ADCY2: variants seen among roughly 807,000 people sequenced by gnomAD.
ADCY2 encodes adenylate cyclase 2.
ADCY2 carries 31 observed loss-of-function variants against 125.2 expected under a neutral mutation model. The observed-to-expected ratio is 0.25, with a 90% CI of 0.19 to 0.33. The LOEUF is 0.33. ADCY2 is among the 10% of genes least tolerant of loss of function. The probability of loss-of-function intolerance (pLI) is 1.00; values close to 1 mark genes in which losing one functional copy is unlikely to be tolerated. For synonymous variants in ADCY2, 512 were observed against 548.4 expected, an observed-to-expected ratio of 0.93 and a Z score of 0.93; for missense variants, 904 against 1,418.2, an observed-to-expected ratio of 0.64 and a Z score of 5.82.
intron 3 of ADCY2, among the ~76,000 whole-genome samples, chr5:7,594,703 A>G (rs1736952471): frequency 6.6e-6 from 1 of 152,228 alleles, no homozygotes; most frequent in Admixed American, 6.5e-5. Context: ...AAAATGTTTG[A>G]TGAACAAATG....
At chr5:7,637,431 CAAAAAAAAA>C (rs71591740) in intron 4 of ADCY2, among the ~76,000 whole-genome samples, 12 of 74,624 alleles carry the variant, frequency 1.6e-4, no homozygotes, top group East Asian at 8.7e-4. Context: ...GACTCCGTCT[CAAAAAAAAA>C]AAAAAAAAAA....
chr5:7,412,697 G>A (rs774095709), intron 1 of ADCY2, among the ~76,000 whole-genome samples: 27 of 152,162 alleles, frequency 1.8e-4, no homozygotes, highest in Non-Finnish European at 3.2e-4. Flanking sequence ...TTTCGGCCAC[G>A]GCAACAACTA....
At chr5:7,570,573 A>G (rs1736035162) in intron 3 of ADCY2, among the ~76,000 whole-genome samples, 1 of 151,860 alleles carries the variant, frequency 6.6e-6, no homozygotes, top group Admixed American at 6.6e-5. Flanking sequence ...AATGCAGAAA[A>G]AAAGAAGATA....
At chr5:7,461,991 G>T (rs1741934394) in intron 2 of ADCY2, among the ~76,000 whole-genome samples, 1 of 152,214 alleles carries the variant, frequency 6.6e-6, no homozygotes. Flanking sequence ...GGAGGGCAAG[G>T]CTGCTTTCTT....
intron 4 of ADCY2, among the ~76,000 whole-genome samples, chr5:7,637,836 C>T (rs993562811): frequency 1.3e-5 from 2 of 152,154 alleles, no homozygotes; most frequent in Non-Finnish European, 2.9e-5. Flanking sequence ...TAACCATATT[C>T]CAGGGAAGAA....
chr5:7,648,911 C>G (rs918316966), intron 4 of ADCY2, among the ~76,000 whole-genome samples: 1 of 152,090 alleles, frequency 6.6e-6, no homozygotes, highest in South Asian at 2.1e-4. Flanking sequence ...AGAAGATAAG[C>G]TATAGAACTT....
chr5:7,567,332 A>G (rs1451078295), intron 3 of ADCY2, among the ~76,000 whole-genome samples: 3 of 151,778 alleles, frequency 2.0e-5, no homozygotes, highest in Non-Finnish European at 4.4e-5. Context: ...TCCAAGCACA[A>G]TAAACTTATC....
At chr5:7,506,633 T>C (rs561792183) in intron 2 of ADCY2, among the ~76,000 whole-genome samples, 2 of 152,284 alleles carry the variant, frequency 1.3e-5, no homozygotes, top group South Asian at 4.1e-4. Flanking sequence ...TTTATAATAC[T>C]AGCTACCTAA....
At chr5:7,653,476 C>T (rs998503266) in intron 4 of ADCY2, among the ~76,000 whole-genome samples, 2 of 152,038 alleles carry the variant, frequency 1.3e-5, no homozygotes, top group East Asian at 1.9e-4. Context: ...GGCGTGGTGG[C>T]GGGCGCCTGT....
At chr5:7,520,347 AC>A (rs1234188167) in intron 2 of ADCY2, among the ~76,000 whole-genome samples, 12 of 151,648 alleles carry the variant, frequency 7.9e-5, no homozygotes, top group African/African-American at 2.7e-4. Context: ...CACCCTGTCC[AC>A]CCCCGTCCCC....
intron 3 of ADCY2, among the ~76,000 whole-genome samples, chr5:7,548,400 A>G (rs1735218363): frequency 6.6e-6 from 1 of 152,130 alleles, no homozygotes; most frequent in African/African-American, 2.4e-5. Flanking sequence ...TATATATATC[A>G]TAATGTAAAA....
intron 1 of ADCY2, among the ~76,000 whole-genome samples, chr5:7,400,804 T>C (rs1436791771): frequency 6.6e-6 from 1 of 152,204 alleles, no homozygotes. Flanking sequence ...CAACCAGTAA[T>C]TCTCTAAGTC....
At chr5:7,826,124 C>G (rs6898294) in intron 24 of ADCY2, among the ~76,000 whole-genome samples, 5,812 of 152,244 alleles carry the variant, frequency 0.038, 245 homozygotes, top group African/African-American at 0.1. Context: ...ATTCCTACAG[C>G]TCTTTCAGTT....
At chr5:7,501,728 A>G (rs1327320408) in intron 2 of ADCY2, among the ~76,000 whole-genome samples, 1 of 132,682 alleles carries the variant, frequency 7.5e-6, no homozygotes, top group Non-Finnish European at 1.5e-5. Flanking sequence ...GGACTTTTGA[A>G]GAGAGAGGGC....
At chr5:7,698,811 A>T (rs896471014) in intron 7 of ADCY2, among the ~76,000 whole-genome samples, 2 of 152,282 alleles carry the variant, frequency 1.3e-5, no homozygotes, top group Non-Finnish European at 2.9e-5. Context: ...GGTTGGTTCC[A>T]AGACTTTGCT....
intron 2 of ADCY2, among the ~76,000 whole-genome samples, chr5:7,415,927 G>C (rs897545324): frequency 1.3e-5 from 2 of 152,080 alleles, no homozygotes; most frequent in African/African-American, 4.8e-5. Context: ...GTAGCTGAGA[G>C]GGCTGTCGCA....
At chr5:7,530,451 C>T (rs1447597944) in intron 3 of ADCY2, among the ~76,000 whole-genome samples, 2 of 152,088 alleles carry the variant, frequency 1.3e-5, no homozygotes, top group African/African-American at 2.4e-5. Flanking sequence ...ATGATCATAG[C>T]TCACTGCAGT....
chr5:7,771,945 C>G (rs143378043), intron 17 of ADCY2, among the ~76,000 whole-genome samples: 1 of 152,030 alleles, frequency 6.6e-6, no homozygotes, highest in East Asian at 1.9e-4. Flanking sequence ...AAACACAAAC[C>G]CTTGTTCACA....
intron 2 of ADCY2, among the ~76,000 whole-genome samples, chr5:7,473,537 T>C (rs1353382689): frequency 6.6e-6 from 1 of 152,152 alleles, no homozygotes; most frequent in Non-Finnish European, 1.5e-5. Context: ...GAATAAAATG[T>C]CAACATGAAA....
Sources: gnomAD v4.1 joint callset for allele counts (sites outside exome capture counted in the v4.1 genomes callset) on GRCh38, gnomAD v4.1.1 for gene constraint, MANE v1.5 for transcripts, NCBI Gene and HGNC (gene_info 2026-07-23, HGNC 2026-07-21) for gene names.